ZSCAN23: variants seen among roughly 807,000 people sequenced by gnomAD.
ZSCAN23 encodes the protein zinc finger and SCAN domain containing 23, also known as zinc finger and SCAN domain-containing protein 23.
Under a neutral mutation model 19.3 loss-of-function variants are expected in ZSCAN23, and 19 were observed. The ratio of observed to expected loss-of-function variants is 0.99; its 90% CI spans 0.69 to 1.45. The LOEUF (loss-of-function observed/expected upper bound fraction) is 1.45. Among genes scored for constraint, ZSCAN23 ranks in the 40% most tolerant of loss-of-function variants. The pLI is 0.00. For synonymous variants in ZSCAN23, 140 were observed against 166.2 expected, an observed-to-expected ratio of 0.84 and a Z score of 1.21; for missense variants, 372 against 462.5, an observed-to-expected ratio of 0.80 and a Z score of 1.79.
chr6:28,430,217 T>G (rs1331950012), downstream of ZSCAN23, among the ~76,000 whole-genome samples: 1 of 151,996 alleles, frequency 6.6e-6, no homozygotes, highest in Non-Finnish European at 1.5e-5. Flanking sequence ...CCCTCTATCC[T>G]CAGGGAGATT....
rs958510885 is a variant in ZSCAN23, at chr6:28,432,721, A to G, written c.*1744T>C. The G allele has an allele frequency of 2.6e-5, 4 of 152,210 alleles. No homozygotes were observed. Among genetic ancestry groups the G allele is most frequent in the African/African-American group, 9.6e-5 (4 of 41,468 alleles). The allele number at this position is 152,210 out of a possible 1,614,324, so 9.4% of individuals were successfully genotyped here. The stretch of plus-strand genomic sequence containing the variant: ...GTTAAACTATGGAGTATGAACAAAT[A>G]AAATTCTATTCACTTATAAAAAGAA... On this transcript the variant is annotated 3_prime_UTR_variant, in exon 4 of 4. Coordinates refer to ENST00000289788, the MANE Select transcript of ZSCAN23 (RefSeq NM_001012455.2).
chr6:28,437,548 A>ACT (rs1380601972), intron 1 of ZSCAN23, among the ~76,000 whole-genome samples: 1 of 152,170 alleles, frequency 6.6e-6, no homozygotes, highest in African/African-American at 2.4e-5. Context: ...ACACTACTGC[A>ACT]CTCTAGCCTG....
At position 28,434,358 on chromosome 6, in the gene ZSCAN23, T is replaced by C. The variant is rs1044627479; in HGVS notation, c.*107A>G. On this transcript the variant is annotated 3_prime_UTR_variant, in exon 4 of 4. Coordinates refer to ENST00000289788, the MANE Select transcript of ZSCAN23 (RefSeq NM_001012455.2). ...GTATTTAAGATATTATGCTTCTCTC[T>C]GCATAAAAGTAAGGGAATTTTTACT... The C allele has an allele frequency of 3.9e-6, 5 of 1,289,980 alleles. No individual in the cohort carries two copies. The African/African-American group carries it at 7.5e-5, about 19-fold the overall frequency. The allele number at this position is 1,289,980 out of a possible 1,614,324, so 79.9% of individuals were successfully genotyped here. A position where few individuals can be genotyped will look rare whatever the true frequency, so the allele number is the denominator to read the frequency against.
intron 1 of ZSCAN23, among the ~76,000 whole-genome samples, chr6:28,437,208 G>A (rs1002634693): frequency 2.0e-5 from 3 of 152,150 alleles, no homozygotes; most frequent in African/African-American, 7.2e-5. Context: ...CGGAAATATT[G>A]GTTCCAGTAC....
At position 28,441,845 on chromosome 6, in the gene ZSCAN23, G is replaced by A. The variant is rs76787677; in HGVS notation, c.-78+1554C>T. ...GACAAGCAGAAGGTAGTATGAGATAGCAGAGAACACAGGCAGATCTGGTTG... is the reference window on the plus strand; with the variant it reads ...GACAAGCAGAAGGTAGTATGAGATAACAGAGAACACAGGCAGATCTGGTTG... On this transcript the variant is annotated intron_variant, in intron 1 of 3. Transcript: ENST00000289788. 2.3e-3 allele frequency among the ~76,000 whole-genome samples: 348 copies of A among 150,628 alleles called. 1 individual carries two copies. Among genetic ancestry groups the A allele is most frequent in the African/African-American group, 7.9e-3 (325 of 41,046 alleles).
In ZSCAN23 at chr6:28,434,998, G is replaced by C. The variant is rs1391679283; in HGVS notation, c.637C>G (p.Leu213Val). The C allele has an allele frequency of 1.3e-6, 2 of 1,551,664 alleles. No individual in the cohort carries two copies. Among genetic ancestry groups the C allele is most frequent in the South Asian group, 2.4e-5 (2 of 84,060 alleles). ...SQEVKSLIQV[L>V]GKQNGNITQI... ...GTAATATTACCATTCTGTTTTCCAA[G>C]AACTTGTATAAGAGATTTCACTTCC... Residue 213 changes from leucine (L) to valine (V), a missense_variant, in exon 4 of 4, where the codon CTT (leucine) becomes GTT (valine). Transcript: ENST00000289788.
At position 28,434,979 on chromosome 6, in the gene ZSCAN23, T is replaced by C. The variant is rs1761848914; in HGVS notation, c.656A>G (p.Asn219Ser). Reference protein sequence around the residue: ...LIQVLGKQNGNITQIPEYGDT... With the variant: ...LIQVLGKQNGSITQIPEYGDT... ...TCCATACTCAGGAATCTGAGTAATA[T>C]TACCATTCTGTTTTCCAAGAACTTG... The change falls in exon 4 of 4, where the codon AAT becomes AGT. Residue 219 changes from asparagine to serine, a missense_variant. Physicochemically the swap from Asn to Ser is conservative, Grantham distance 46 (BLOSUM62 1). Coordinates refer to ENST00000289788, the MANE Select transcript of ZSCAN23 (RefSeq NM_001012455.2). 3 of 1,551,812 alleles carry C rather than the reference T, an allele frequency of 1.9e-6. No individual in the cohort carries two copies. Among genetic ancestry groups the C allele is most frequent in the Non-Finnish European group, 2.6e-6 (3 of 1,147,014 alleles).
rs62401457 is a variant in ZSCAN23 at position 28,442,092 on chromosome 6, G to C, written c.-78+1307C>G. 1.4e-3 allele frequency among the ~76,000 whole-genome samples: 208 copies of C among 152,070 alleles called. 2 individuals carry two copies. Among genetic ancestry groups the C allele is most frequent in the South Asian group, 0.011 (51 of 4,808 alleles). ...GAGTTTCACCATATGGGTCAGGCTGGTCTCGAACTCCCGACCTCACGTGAT... is the reference window on the plus strand; with the variant it reads ...GAGTTTCACCATATGGGTCAGGCTGCTCTCGAACTCCCGACCTCACGTGAT... On this transcript the variant is annotated intron_variant, in intron 1 of 3. Coordinates refer to ENST00000289788, the MANE Select transcript of ZSCAN23 (RefSeq NM_001012455.2).
At position 28,443,443 on chromosome 6, in the gene ZSCAN23, T is replaced by G. The variant is rs2531803; in HGVS notation, c.-122A>C. The G allele has an allele frequency of 0.52, 79,430 of 152,116 alleles. 21,933 individuals carry two copies. Among genetic ancestry groups the G allele is most frequent in the African/African-American group, 0.71 (29,412 of 41,486 alleles). The allele number at this position is 152,116 out of a possible 1,614,324, so 9.4% of individuals were successfully genotyped here. A position where few individuals can be genotyped will look rare whatever the true frequency, so the allele number is the denominator to read the frequency against. ...GATGCCACCTAGCGCAGATCACATC[T>G]GCTCTGAATCCTTGACAACCGCAGC... On this transcript the variant is annotated 5_prime_UTR_variant, in exon 1 of 4. Coordinates refer to ENST00000289788, the MANE Select transcript of ZSCAN23 (RefSeq NM_001012455.2).
chr6:28,430,550 TC>T (rs900536944), downstream of ZSCAN23, among the ~76,000 whole-genome samples: 5 of 151,990 alleles, frequency 3.3e-5, no homozygotes, highest in African/African-American at 1.2e-4. Context: ...ATAAATCAGG[TC>T]CCCCCGAGTA....
chr6:28,438,521 G>A (rs1033961810), intron 1 of ZSCAN23, among the ~76,000 whole-genome samples: 6 of 152,194 alleles, frequency 3.9e-5, no homozygotes, highest in African/African-American at 1.4e-4. Flanking sequence ...ATTTATAAAG[G>A]AAAGAGGTTT....
chr6:28,422,475 C>T, the ZSCAN23 span, among the ~76,000 whole-genome samples: 59 of 152,184 alleles, frequency 3.9e-4, no homozygotes, highest in Non-Finnish European at 7.2e-4. This position sits in a 1 kb window ranked among gnomAD's most constrained non-coding sequence, Gnocchi z 4.0. Flanking sequence ...AGCATGCATG[C>T]GTGCTTTCCC....
chr6:28,421,696 A>AT, the ZSCAN23 span, among the ~76,000 whole-genome samples: 1 of 152,212 alleles, frequency 6.6e-6, no homozygotes, highest in Non-Finnish European at 1.5e-5. Flanking sequence ...ACTATAGCAC[A>AT]TGATGCAGAC....
At chr6:28,425,262 T>C in the ZSCAN23 span, among the ~76,000 whole-genome samples, 1 of 152,232 alleles carries the variant, frequency 6.6e-6, no homozygotes, top group Non-Finnish European at 1.5e-5. Flanking sequence ...AAATGTGCTA[T>C]CGTCCAGGCT....
At chr6:28,430,283 G>C (rs886105562), downstream of ZSCAN23, among the ~76,000 whole-genome samples, 34 of 152,116 alleles carry the variant, frequency 2.2e-4, no homozygotes, top group African/African-American at 8.0e-4. Context: ...TGGGATGGCT[G>C]ATGGGGGTGT....
the ZSCAN23 span, among the ~76,000 whole-genome samples, chr6:28,422,735 G>A: frequency 6.6e-6 from 1 of 152,142 alleles, no homozygotes; most frequent in Non-Finnish European, 1.5e-5. This position sits in a 1 kb window ranked among gnomAD's most constrained non-coding sequence, Gnocchi z 4.0. Flanking sequence ...AGGCAAAGAA[G>A]TGAAGAAAGA....
chr6:28,427,206 T>C (rs1248430433), downstream of ZSCAN23, among the ~76,000 whole-genome samples: 2 of 152,216 alleles, frequency 1.3e-5, no homozygotes, highest in African/African-American at 4.8e-5. Context: ...ACCCAGTGGG[T>C]ATTTTTCAAT....
At chr6:28,442,368 T>G (rs1762019308) in intron 1 of ZSCAN23, among the ~76,000 whole-genome samples, 1 of 152,218 alleles carries the variant, frequency 6.6e-6, no homozygotes, top group South Asian at 2.1e-4. Flanking sequence ...TAAGATAATG[T>G]ACAATTTTGG....
the ZSCAN23 span, among the ~76,000 whole-genome samples, chr6:28,425,853 G>GC: frequency 6.6e-6 from 1 of 152,132 alleles, no homozygotes; most frequent in Non-Finnish European, 1.5e-5. Flanking sequence ...ATCTTAGCTA[G>GC]GTTTTCTGAA....
Sources: gnomAD v4.1 joint callset for allele counts (sites outside exome capture counted in the v4.1 genomes callset) on GRCh38, gnomAD v4.1.1 for gene constraint, Gnocchi (gnomAD v3.1) non-coding constraint, MANE v1.5 for transcripts, NCBI Gene and HGNC (gene_info 2026-07-23, HGNC 2026-07-21) for gene names.